The following CTNNA1 variants were observed in gnomAD, a reference collection of about 807,000 sequenced individuals.
CTNNA1 encodes the protein catenin alpha 1.
A neutral mutation model predicts 98.4 loss-of-function variants in CTNNA1; 37 were observed. The ratio of observed to expected loss-of-function variants is 0.38; its 90% CI spans 0.29 to 0.49. CTNNA1 has a LOEUF of 0.49. Ranked by LOEUF, CTNNA1 falls within the 20% of genes least tolerant of loss-of-function variation. CTNNA1 has a pLI of 0.95. For missense variants in CTNNA1, 761 were observed against 1,147.2 expected (o/e 0.66, Z 4.86); for synonymous variants, 404 against 413.2 (o/e 0.98, Z 0.27).
At chr5:138,929,673 C>T (rs1169157834) in intron 14 of CTNNA1, among the ~76,000 whole-genome samples, 1 of 152,212 alleles carries the variant, frequency 6.6e-6, no homozygotes. Context: ...AAAAAGATTG[C>T]TGCCTTTGTC....
At chr5:138,886,014 T>C (rs1225181770) in intron 7 of CTNNA1, among the ~76,000 whole-genome samples, 198 bp from the exon 8 acceptor site, 1 of 152,172 alleles carries the variant, frequency 6.6e-6, no homozygotes, top group Non-Finnish European at 1.5e-5. Flanking sequence ...CATCAGATAA[T>C]GTGGAGCCCA....
At chr5:138,920,838 C>G in intron 11 of CTNNA1, among the ~76,000 whole-genome samples, 1 of 152,072 alleles carries the variant, frequency 6.6e-6, no homozygotes, top group Non-Finnish European at 1.5e-5. Context: ...TCCAGAAATT[C>G]CCTCATACTT....
chr5:138,910,235 T>C (rs995933925), intron 10 of CTNNA1, among the ~76,000 whole-genome samples: 9 of 142,936 alleles, frequency 6.3e-5, no homozygotes, highest in South Asian at 2.3e-4. Flanking sequence ...TCTTTTTTTT[T>C]TTTTTTTTTT....
chr5:138,860,524 C>T (rs903554951), intron 7 of CTNNA1, among the ~76,000 whole-genome samples: 3 of 113,296 alleles, frequency 2.6e-5, no homozygotes, highest in African/African-American at 3.1e-5. Context: ...TGTTTTGATA[C>T]GGAGTCTTGC....
chr5:138,795,697 T>G (rs1027261568), intron 3 of CTNNA1, among the ~76,000 whole-genome samples: 2 of 152,154 alleles, frequency 1.3e-5, no homozygotes, highest in Non-Finnish European at 2.9e-5. Context: ...GCCAAGCTGT[T>G]AAGTACAGGG....
At chr5:138,808,605 C>G (rs369288169) in intron 3 of CTNNA1, among the ~76,000 whole-genome samples, 13 of 151,154 alleles carry the variant, frequency 8.6e-5, no homozygotes, top group African/African-American at 3.2e-4. Context: ...TTTTTCCCCC[C>G]TCTTCTGCTT....
chr5:138,917,716 AC>A (rs1447229809), intron 10 of CTNNA1, 25 bp from the exon 11 acceptor site: 1 of 1,610,610 alleles, frequency 6.2e-7, no homozygotes, highest in Non-Finnish European at 8.5e-7. Flanking sequence ...AAAAGAGTAA[AC>A]AGTGAAGTTT....
At chr5:138,816,432 T>C (rs1327137776) in intron 5 of CTNNA1, among the ~76,000 whole-genome samples, 5 of 152,166 alleles carry the variant, frequency 3.3e-5, no homozygotes, top group African/African-American at 1.2e-4. Context: ...CTATTTTTAG[T>C]TTTTTGAGGA....
chr5:138,788,700 C>T (rs180743896), intron 3 of CTNNA1, among the ~76,000 whole-genome samples: 174 of 152,154 alleles, frequency 1.1e-3, no homozygotes, highest in African/African-American at 4.0e-3. Flanking sequence ...GCCTCTTAAG[C>T]CGGATAGGGG....
intron 10 of CTNNA1, among the ~76,000 whole-genome samples, chr5:138,905,128 A>ATACATACATACG (rs1758952623): frequency 6.6e-6 from 1 of 151,282 alleles, no homozygotes; most frequent in Non-Finnish European, 1.5e-5. Context: ...ACATACATAC[A>ATACATACATACG]TAAATACAAA....
intron 1 of CTNNA1, among the ~76,000 whole-genome samples, chr5:138,763,663 T>G (rs1752602941): frequency 6.6e-6 from 1 of 152,210 alleles, no homozygotes; most frequent in African/African-American, 2.4e-5. Flanking sequence ...ATCCAAATTC[T>G]AAATCATGGT....
At position 138,873,414 on chromosome 5, in the gene CTNNA1, T is replaced by C. The variant is rs1324221181; in HGVS notation, c.1063-12798T>C. The C allele has an allele frequency of 1.7e-5, 27 of 1,614,046 alleles. No individual in the cohort carries two copies. Among genetic ancestry groups the C allele is most frequent in the Non-Finnish European group, 2.2e-5 (26 of 1,179,906 alleles). On this transcript the variant is annotated intron_variant, in intron 7 of 17. Coordinates refer to ENST00000302763, the MANE Select transcript of CTNNA1 (RefSeq NM_001903.5). The surrounding 1 kb of genome is among the most constrained non-coding windows in gnomAD (Gnocchi z 6.1). ...TGGTAACTTGATGAGCTTATTCTTT[T>C]TGTATATTCAGTGGTTGGATCTCTA...
chr5:138,792,274 A>C (rs1756463912), intron 3 of CTNNA1, among the ~76,000 whole-genome samples: 1 of 152,214 alleles, frequency 6.6e-6, no homozygotes, highest in African/African-American at 2.4e-5. Context: ...AATGTATTTC[A>C]TCCCTGACAA....
intron 5 of CTNNA1, among the ~76,000 whole-genome samples, chr5:138,821,474 T>C (rs1005427375): frequency 2.0e-5 from 3 of 152,260 alleles, no homozygotes; most frequent in Non-Finnish European, 4.4e-5. Flanking sequence ...ATAGTAATGT[T>C]ACTGTCGGTG....
Position 138,931,982 on chromosome 5 carries a change from G to A in CTNNA1, c.2299-596G>A, listed in dbSNP as rs993764295. The A allele has an allele frequency of 2.1e-5, 21 of 985,316 alleles. No homozygotes were observed. In the African/African-American group the frequency reaches 3.1e-4, roughly 15 times the overall value. 61.0% of individuals were successfully genotyped at this position (985,316 alleles called of 1,614,324 possible). On this transcript the variant is annotated intron_variant, in intron 16 of 17. Coordinates refer to ENST00000302763, the MANE Select transcript of CTNNA1 (RefSeq NM_001903.5). Reference sequence around the variant, plus strand: ...CCTCTAAAACTCTGAGATGTGGAGCGAGACAGGAACTGGGCAGGGGCCACC... The same window carrying A: ...CCTCTAAAACTCTGAGATGTGGAGCAAGACAGGAACTGGGCAGGGGCCACC...
rs1406957158 is a variant in CTNNA1, at chr5:138,755,943, C to G, written c.-3+2433C>G. Among the ~76,000 whole-genome samples, 4 of 140,458 alleles carry G rather than the reference C, an allele frequency of 2.8e-5. No homozygotes were observed. In the East Asian group the frequency reaches 8.9e-4, roughly 31 times the overall value. 92.1% of individuals were successfully genotyped at this position (140,458 alleles called of 152,430 possible). A position where few individuals can be genotyped will look rare whatever the true frequency, so the allele number is the denominator to read the frequency against. On this transcript the variant is annotated intron_variant, in intron 1 of 17. Transcript: ENST00000302763. Reference sequence around the variant, plus strand: ...TGAGGTGATCTCAGTTCACTGCAAACTCCACCTCCTGGGGATTCAAGCGAT... The same window carrying G: ...TGAGGTGATCTCAGTTCACTGCAAAGTCCACCTCCTGGGGATTCAAGCGAT...
intron 10 of CTNNA1, among the ~76,000 whole-genome samples, chr5:138,909,860 G>T (rs1484911433): frequency 6.6e-6 from 1 of 152,160 alleles, no homozygotes; most frequent in Non-Finnish European, 1.5e-5. Flanking sequence ...AAAATACATG[G>T]CCCTTAAAGG....
intron 11 of CTNNA1, among the ~76,000 whole-genome samples, chr5:138,919,795 G>A (rs1002506094): frequency 6.6e-6 from 1 of 152,218 alleles, no homozygotes; most frequent in Non-Finnish European, 1.5e-5. Flanking sequence ...GGAATGTTAC[G>A]TAATTAAATC....
At chr5:138,875,281 T>C (rs113076701) in intron 7 of CTNNA1, 17 of 513,740 alleles carry the variant, frequency 3.3e-5, no homozygotes, top group Non-Finnish European at 4.4e-5. Flanking sequence ...GAAGAGCTCC[T>C]GGAGCAGCAT....
Sources: gnomAD v4.1 joint callset for allele counts (sites outside exome capture counted in the v4.1 genomes callset) on GRCh38, gnomAD v4.1.1 for gene constraint, Gnocchi (gnomAD v3.1) non-coding constraint, MANE v1.5 for transcripts, NCBI Gene and HGNC (gene_info 2026-07-23, HGNC 2026-07-21) for gene names.